The following SCAPER variants were observed in gnomAD, a reference collection of about 807,000 sequenced individuals.
SCAPER encodes S phase cyclin A-associated protein in the endoplasmic reticulum.
Under a neutral mutation model 182.2 loss-of-function variants are expected in SCAPER, and 98 were observed. The ratio of observed to expected loss-of-function variants is 0.54; its 90% CI spans 0.46 to 0.64. SCAPER has a LOEUF of 0.64. Ranked by LOEUF, SCAPER falls within the 30% of genes least tolerant of loss-of-function variation. SCAPER has a pLI of 0.00. For missense variants in SCAPER, 1,432 were observed against 1,690.0 expected, an observed-to-expected ratio of 0.85 and a Z score of 2.68; for synonymous variants, 605 against 564.6, an observed-to-expected ratio of 1.07 and a Z score of -1.01.
chr15:76,790,230 CA>C (rs34503482), intron 8 of SCAPER, among the ~76,000 whole-genome samples: 63,130 of 140,418 alleles, frequency 0.45, 15,459 homozygotes, highest in Middle Eastern at 0.64. Context: ...GACTCCATCT[CA>C]AAAAAAAAAA....
intron 4 of SCAPER, among the ~76,000 whole-genome samples, chr15:76,854,839 G>A (rs2071173763): frequency 2.0e-5 from 3 of 150,138 alleles, no homozygotes; most frequent in Admixed American, 2.0e-4. Context: ...AGGCATGGTT[G>A]CAGGTGCCTG....
intron 23 of SCAPER, among the ~76,000 whole-genome samples, chr15:76,528,529 C>A (rs1473529864): frequency 6.6e-6 from 1 of 152,214 alleles, no homozygotes; most frequent in Non-Finnish European, 1.5e-5. Flanking sequence ...TTTTTAGCTT[C>A]TTCCTTTTCC....
intron 15 of SCAPER, among the ~76,000 whole-genome samples, chr15:76,748,213 C>G (rs2061906152): frequency 6.6e-6 from 1 of 152,056 alleles, no homozygotes; most frequent in Admixed American, 6.6e-5. Context: ...TGGTCTCGAA[C>G]TCTGGACCTC....
At chr15:76,893,229 G>C (rs1039903320) in intron 1 of SCAPER, among the ~76,000 whole-genome samples, 11 of 152,256 alleles carry the variant, frequency 7.2e-5, no homozygotes, top group Middle Eastern at 3.4e-3. Flanking sequence ...TAACGTAAAT[G>C]ACAAGTTGAT....
chr15:76,702,807 T>C (rs1460151300), intron 19 of SCAPER, 43 bp downstream of exon 19: 3 of 1,562,138 alleles, frequency 1.9e-6, no homozygotes, highest in Non-Finnish European at 2.6e-6. Flanking sequence ...TCATAAACTT[T>C]AGTAGTAAAC....
chr15:76,400,531 G>A (rs2044384923), intron 27 of SCAPER, among the ~76,000 whole-genome samples: 1 of 152,158 alleles, frequency 6.6e-6, no homozygotes, highest in Non-Finnish European at 1.5e-5. Flanking sequence ...ATCTGAGGAG[G>A]TAGAAAAAAC....
At chr15:76,697,673 C>A (rs946909431) in intron 20 of SCAPER, among the ~76,000 whole-genome samples, 22 of 152,118 alleles carry the variant, frequency 1.4e-4, no homozygotes, top group African/African-American at 4.1e-4. Flanking sequence ...GAGTCTCACT[C>A]TTGTCGCCCA....
At chr15:76,385,983 A>C (rs1418550957) in intron 27 of SCAPER, among the ~76,000 whole-genome samples, 1 of 152,272 alleles carries the variant, frequency 6.6e-6, no homozygotes, top group Admixed American at 6.5e-5. Context: ...TCAAGGTGTC[A>C]CAAGAGCTGT....
chr15:76,554,034 A>G (rs1024941007), intron 23 of SCAPER, among the ~76,000 whole-genome samples: 46 of 152,218 alleles, frequency 3.0e-4, no homozygotes, highest in Admixed American at 2.8e-3. Flanking sequence ...AATGAAGACC[A>G]TCAAGATTCA....
chr15:76,674,963 C>A (rs372301947), intron 20 of SCAPER, among the ~76,000 whole-genome samples: 1 of 152,094 alleles, frequency 6.6e-6, no homozygotes, highest in East Asian at 1.9e-4. Flanking sequence ...GTGTTACTTT[C>A]GGAAGCAGAA....
At chr15:76,768,709 T>TA (rs1486112473) in intron 10 of SCAPER, among the ~76,000 whole-genome samples, 1 of 151,998 alleles carries the variant, frequency 6.6e-6, no homozygotes, top group Non-Finnish European at 1.5e-5. Context: ...GATCCACAGT[T>TA]ACAGTCAGTG....
intron 1 of SCAPER, among the ~76,000 whole-genome samples, chr15:76,901,555 G>C (rs1004991247): frequency 6.6e-6 from 1 of 152,090 alleles, no homozygotes; most frequent in Non-Finnish European, 1.5e-5. Context: ...GCTAATTTTT[G>C]AAATAGATTG....
intron 1 of SCAPER, among the ~76,000 whole-genome samples, chr15:76,903,936 C>T (rs1317691086): frequency 6.6e-6 from 1 of 152,172 alleles, no homozygotes; most frequent in South Asian, 2.1e-4. Context: ...GATTCAAACT[C>T]AAAACAGTCT....
intron 8 of SCAPER, among the ~76,000 whole-genome samples, chr15:76,786,940 C>T (rs2064655733): frequency 6.6e-6 from 1 of 152,106 alleles, no homozygotes; most frequent in African/African-American, 2.4e-5. Context: ...TACAGAATGT[C>T]TATCTTGAAA....
chr15:76,484,039 G>A (rs1408322594), intron 24 of SCAPER, among the ~76,000 whole-genome samples: 2 of 152,150 alleles, frequency 1.3e-5, no homozygotes, highest in Non-Finnish European at 2.9e-5. Context: ...AAGACTGCAC[G>A]AGTATTCACA....
chr15:76,692,733 A>G (rs1223257894), intron 20 of SCAPER, among the ~76,000 whole-genome samples: 1 of 151,112 alleles, frequency 6.6e-6, no homozygotes, highest in Non-Finnish European at 1.5e-5. Context: ...AAGGAAAGGA[A>G]AGGAAAGGAC....
chr15:76,834,107 T>C (rs1047530872), intron 5 of SCAPER, among the ~76,000 whole-genome samples: 3 of 152,138 alleles, frequency 2.0e-5, no homozygotes, highest in Non-Finnish European at 2.9e-5. Flanking sequence ...CACTCAGCCA[T>C]AAAGCAATTT....
chr15:76,381,443 G>C lies in SCAPER; in HGVS notation c.3640C>G (p.Gln1214Glu). ...PKENYTQNTI[Q>E]VAIQSLRFFN... ...AAACGTAAACTCTGAATGGCCACTT[G>C]GATGGTATTTTGAGTGTAATTCTCC... The change falls in exon 28 of 32, where the codon CAA (glutamine) becomes GAA (glutamate). Residue 1214 changes from glutamine (Q) to glutamate (E), a missense_variant. Gln to Glu is a conservative substitution (Grantham distance 29, BLOSUM62 2). Around this residue, in one of 5 missense-constraint regions of SCAPER, gnomAD observed 718 missense variants for 799.7 expected, o/e 0.90. Coordinates refer to ENST00000563290, the MANE Select transcript of SCAPER (RefSeq NM_020843.4). 1 of 1,613,826 alleles carries C rather than the reference G, an allele frequency of 6.2e-7. No homozygotes were observed. The highest frequency in any genetic ancestry group is 1.3e-5 in the African/African-American group (1 of 75,026).
intron 22 of SCAPER, among the ~76,000 whole-genome samples, chr15:76,586,846 T>C (rs927321698): frequency 6.6e-6 from 1 of 152,126 alleles, no homozygotes; most frequent in Non-Finnish European, 1.5e-5. Flanking sequence ...TCCCTCTTTC[T>C]CTATCTCGTG....
Sources: gnomAD v4.1 joint callset for allele counts (sites outside exome capture counted in the v4.1 genomes callset) on GRCh38, gnomAD v4.1.1 for gene constraint, gnomAD v4.1.1 regional missense constraint, MANE v1.5 for transcripts, NCBI Gene and HGNC (gene_info 2026-07-23, HGNC 2026-07-21) for gene names.